The following MAMDC4 variants were observed in gnomAD, a reference collection of about 807,000 sequenced individuals.
MAMDC4 encodes apical endosomal glycoprotein.
A neutral mutation model predicts 153.3 loss-of-function variants in MAMDC4; 168 were observed. The ratio of observed to expected loss-of-function variants is 1.10; its 90% CI spans 0.97 to 1.25. The LOEUF (loss-of-function observed/expected upper bound fraction) is 1.25, where lower values mean the gene tolerates loss of function less well. Among genes scored for constraint, MAMDC4 ranks in the 50% most tolerant of loss-of-function variants. MAMDC4 has a pLI of 0.00. For synonymous variants in MAMDC4, 744 were observed against 651.5 expected, an observed-to-expected ratio of 1.14 and a Z score of -2.16; for missense variants, 1,701 against 1,542.8, an observed-to-expected ratio of 1.10 and a Z score of -1.72.
At position 136,857,314 on chromosome 9, in the gene MAMDC4, C is replaced by G; in HGVS notation, c.2106+16C>G. 6.2e-7 allele frequency: 1 copy of G among 1,606,142 alleles called. No homozygotes were observed. The highest frequency in any genetic ancestry group is 2.2e-5 in the East Asian group (1 of 44,572). ...CCAGTACCAGGTGAGGCCTGGCACC[C>G]GGGTGGGAGGACAGGGCAGGGCCCC... On this transcript the variant is annotated intron_variant, in intron 17 of 26. Transcript: ENST00000317446.
chr9:136,856,045 G>T lies in MAMDC4; in HGVS notation c.1616G>T (p.Trp539Leu), dbSNP rs766739438. 3.1e-6 allele frequency: 5 copies of T among 1,612,010 alleles called. No individual in the cohort carries two copies. Among genetic ancestry groups the T allele is most frequent in the Non-Finnish European group, 3.4e-6 (4 of 1,179,708 alleles). Residue 539 changes from tryptophan to leucine, a missense_variant, in exon 14 of 27, where the codon TGG becomes TTG. Physicochemically the swap from Trp to Leu is moderately conservative, Grantham distance 61. Coordinates refer to ENST00000317446, the MANE Select transcript of MAMDC4 (RefSeq NM_206920.3). ...CACTTCCTGTCTCTGCAGCGGGCCTGGGGGCAGCTAGGCGCTGAGGCCCGG... is the reference window on the plus strand; with the variant it reads ...CACTTCCTGTCTCTGCAGCGGGCCTTGGGGCAGCTAGGCGCTGAGGCCCGG... The part of the protein sequence containing the change: ...AGHFLSLQRA[W>L]GQLGAEARVL...
intron 21 of MAMDC4, 49 bp from the exon 22 acceptor site, chr9:136,858,351 C>A: frequency 6.2e-7 from 1 of 1,600,232 alleles, no homozygotes; most frequent in Non-Finnish European, 8.5e-7. Context: ...TCGTGGTGCC[C>A]AGGGCTTGGG....
At position 136,855,491 on chromosome 9, in the gene MAMDC4, C is replaced by G; in HGVS notation, c.1343C>G (p.Pro448Arg). The G allele has an allele frequency of 1.3e-6, 2 of 1,598,452 alleles. No homozygotes were observed. Among genetic ancestry groups the G allele is most frequent in the Non-Finnish European group, 1.7e-6 (2 of 1,172,932 alleles). Residue 448 changes from proline (P) to arginine (R), a missense_variant, in exon 12 of 27, where the codon CCG becomes CGG. By Grantham distance (103) the Pro-to-Arg change is moderately radical (BLOSUM62 -2). Coordinates refer to ENST00000317446, the MANE Select transcript of MAMDC4 (RefSeq NM_206920.3). ...GPRAPAPQPLPPSSRLQDSCK... is the reference protein window; with the variant it reads ...GPRAPAPQPLRPSSRLQDSCK... ...CGGGCCCCAGCCCCCCAGCCCCTGC[C>G]GCCCAGCTCGCGGCTCCAGGATTCC...
chr9:136,853,338 C>G lies in MAMDC4; in HGVS notation c.208C>G (p.Gln70Glu), dbSNP rs1848954683. 1 of 1,606,732 alleles carries G rather than the reference C, an allele frequency of 6.2e-7. No individual in the cohort carries two copies. Among genetic ancestry groups the G allele is most frequent in the Non-Finnish European group, 8.5e-7 (1 of 1,175,610 alleles). ...LGAPFACDFE[Q>E]DPCGWRDIST... ...CGCCCCCTTCGCCTGTGACTTCGAG[C>G]AGGACCCCTGCGGCTGGCGGGACAT... The change falls in exon 3 of 27, where the codon CAG (glutamine) becomes GAG (glutamate). Residue 70 changes from glutamine (Q) to glutamate (E), a missense_variant. Transcript: ENST00000317446.
rs1849053426 is a variant in MAMDC4 at position 136,859,326 on chromosome 9, T to C, written c.3193+9T>C. 6.2e-7 allele frequency: 1 copy of C among 1,602,630 alleles called. No homozygotes were observed. The highest frequency in any genetic ancestry group is 8.5e-7 in the Non-Finnish European group (1 of 1,174,960). ...GCCTGCCCCCAGCCCGGGTGAGCCC[T>C]GGGCTGCAGTGGAGGCACGGAGGAG... On this transcript the variant is annotated intron_variant, in intron 25 of 26. Transcript: ENST00000317446.
At chr9:136,860,191 C>T (rs898336232) in intron 26 of MAMDC4, 127 bp downstream of exon 26, 59 of 1,095,162 alleles carry the variant, frequency 5.4e-5, no homozygotes, top group Non-Finnish European at 6.9e-5. Context: ...TCCTTGCCCT[C>T]CCTGCCCTGC....
intron 19 of MAMDC4, 29 bp from the exon 20 acceptor site, chr9:136,857,950 C>A (rs537229902): frequency 1.3e-4 from 194 of 1,487,162 alleles, no homozygotes; most frequent in Non-Finnish European, 1.6e-4. Flanking sequence ...TCTCCCCACA[C>A]TGCTGACCTG....
At chr9:136,852,992 G>A in intron 1 of MAMDC4, 110 bp from the exon 2 acceptor site, 1 of 896,640 alleles carries the variant, frequency 1.1e-6, no homozygotes, top group South Asian at 1.6e-5. Flanking sequence ...CCTGGTCTGA[G>A]GGGCATCCCC....
Position 136,857,681 on chromosome 9 carries a change from A to G in MAMDC4, c.2349A>G (p.Thr783=), listed in dbSNP as rs779187895. The change falls in exon 19 of 27, where the codon ACA becomes ACG. Residue 783 remains threonine (T), a synonymous_variant. Coordinates refer to ENST00000317446, the MANE Select transcript of MAMDC4 (RefSeq NM_206920.3). ...TAQGHYMVVD[T]SPDALPRGQT... ...CAGGGCACTACATGGTGGTGGACAC[A>G]AGCCCAGACGCACTACCCCGGGGCC... is the stretch of plus-strand genomic sequence containing the variant. The G allele has an allele frequency of 2.2e-5, 36 of 1,612,510 alleles. No homozygotes were observed. The South Asian group carries it at 3.7e-4, about 17-fold the overall frequency.
At chr9:136,855,938 G>A (rs1848998051) in intron 13 of MAMDC4, 80 bp from the exon 14 acceptor site, 2 of 1,544,986 alleles carry the variant, frequency 1.3e-6, no homozygotes, top group Non-Finnish European at 1.7e-6. Context: ...ACTACAGAGG[G>A]TCTCTGGACT....
rs374373052 is a variant in MAMDC4, at chr9:136,859,966, C to A, written c.3274C>A (p.Leu1092Ile). Residue 1092 changes from leucine (L) to isoleucine (I), a missense_variant, in exon 26 of 27, where the codon CTT (leucine) becomes ATT (isoleucine). Transcript: ENST00000317446. ...GCTCATGCTCCTGGTGCTGCTGGGACTTGGGGGACGGCGCTGGCTGCAGAA... is the reference window on the plus strand; with the variant it reads ...GCTCATGCTCCTGGTGCTGCTGGGAATTGGGGGACGGCGCTGGCTGCAGAA... Reference protein sequence around the residue: ...LLLMLLVLLGLGGRRWLQKKG... With the variant: ...LLLMLLVLLGIGGRRWLQKKG... The A allele has an allele frequency of 4.0e-5, 64 of 1,612,954 alleles. No homozygotes were observed. The highest frequency in any genetic ancestry group is 5.1e-5 in the Non-Finnish European group (60 of 1,179,938).
At chr9:136,858,632 G>A (rs940471967) in intron 22 of MAMDC4, 86 bp downstream of exon 22, 3 of 1,594,968 alleles carry the variant, frequency 1.9e-6, no homozygotes, top group East Asian at 2.2e-5. Context: ...GCCCCATCCA[G>A]AGGAGGCCCT....
rs781419472 is a variant in MAMDC4, at chr9:136,855,457, C to T, written c.1309C>T (p.Pro437Ser). Residue 437 changes from proline to serine, a missense_variant, in exon 12 of 27, where the codon CCT (proline) becomes TCT (serine). Pro to Ser is a moderately conservative substitution (Grantham distance 74). Transcript: ENST00000317446. ...GGTGTCCACCCTGCAGCCGCTGCCTCCTGGGCCCCGGGCCCCAGCCCCCCA... is the reference window on the plus strand; with the variant it reads ...GGTGTCCACCCTGCAGCCGCTGCCTTCTGGGCCCCGGGCCCCAGCCCCCCA... Reference protein sequence around the residue: ...SEVSTLQPLPPGPRAPAPQPL... With the variant: ...SEVSTLQPLPSGPRAPAPQPL... 4 of 1,609,446 alleles carry T rather than the reference C, an allele frequency of 2.5e-6. No homozygotes were observed. Among genetic ancestry groups the T allele is most frequent in the Non-Finnish European group, 3.4e-6 (4 of 1,178,570 alleles).
intron 14 of MAMDC4, 173 bp downstream of exon 14, chr9:136,856,322 A>C: frequency 9.1e-7 from 1 of 1,103,106 alleles, no homozygotes. Flanking sequence ...CCTGAGCAGC[A>C]GTGCAGGCAT....
At chr9:136,855,929 C>G in intron 13 of MAMDC4, 81 bp downstream of exon 13, 5 of 1,532,884 alleles carry the variant, frequency 3.3e-6, no homozygotes, top group Non-Finnish European at 4.4e-6. Context: ...TGCCTCTGCA[C>G]TACAGAGGGT....
chr9:136,860,403 C>A (rs891800282), intron 26 of MAMDC4, among the ~76,000 whole-genome samples, 159 bp from the exon 27 acceptor site: 2 of 152,184 alleles, frequency 1.3e-5, no homozygotes, highest in East Asian at 3.8e-4. Context: ...AACCTGTAAT[C>A]CCAACTACTC....
In MAMDC4 at chr9:136,855,831, C is replaced by A; in HGVS notation, c.1571C>A (p.Ser524Tyr). Residue 524 changes from serine to tyrosine, a missense_variant, in exon 13 of 27, where the codon TCC becomes TAC. By Grantham distance (144) the Ser-to-Tyr change is moderately radical. Coordinates refer to ENST00000317446, the MANE Select transcript of MAMDC4 (RefSeq NM_206920.3). ...GTCTCAGCCCAGGAGAGCCAGGGGT[C>A]CAGTGCAGCTGCTGCTGGTGAGGCC... ...RRVSAQESQG[S>Y]SAAAAGHFLS... 1 of 1,519,534 alleles carries A rather than the reference C, an allele frequency of 6.6e-7. No individual in the cohort carries two copies. The highest frequency in any genetic ancestry group is 8.8e-7 in the Non-Finnish European group (1 of 1,132,740). 94.1% of individuals were successfully genotyped at this position (1,519,534 alleles called of 1,614,324 possible). A position where few individuals can be genotyped will look rare whatever the true frequency, so the allele number is the denominator to read the frequency against.
rs539316793 is a variant in MAMDC4 at position 136,853,644 on chromosome 9, G to A, written c.428G>A (p.Arg143Lys). 3.7e-6 allele frequency: 6 copies of A among 1,612,284 alleles called. No individual in the cohort carries two copies. The highest frequency in any genetic ancestry group is 2.7e-5 in the African/African-American group (2 of 75,024). The change falls in exon 4 of 27, where the codon AGG (arginine) becomes AAG (lysine). Residue 143 changes from arginine (R) to lysine (K), a missense_variant. By Grantham distance (26) the Arg-to-Lys change is conservative. Transcript: ENST00000317446. ...LREAASSCKLRLWYHAASGDV... is the reference protein window; with the variant it reads ...LREAASSCKLKLWYHAASGDV... ...GAGGCAGCCTCCTCTTGCAAGCTGAGGCTCTGGTACCACGCGGCCTCTGGA... is the reference window on the plus strand; with the variant it reads ...GAGGCAGCCTCCTCTTGCAAGCTGAAGCTCTGGTACCACGCGGCCTCTGGA...
rs772361028 is a variant in MAMDC4 at position 136,858,533 on chromosome 9, G to C, written c.2808G>C (p.Leu936=). 1 of 1,584,292 alleles carries C rather than the reference G, an allele frequency of 6.3e-7. No homozygotes were observed. The highest frequency in any genetic ancestry group is 2.3e-5 in the East Asian group (1 of 43,930). ...CCCAGCCCCCTGTGGACCACACCCT[G>C]GGCACAGAGGCAGGTACGTGCCCAC... ...RYPQPPVDHT[L]GTEAGHFAFF... The change falls in exon 22 of 27, where the codon CTG becomes CTC. Residue 936 remains leucine, a synonymous_variant. Transcript: ENST00000317446.
Sources: gnomAD v4.1 joint callset for allele counts (sites outside exome capture counted in the v4.1 genomes callset) on GRCh38, gnomAD v4.1.1 for gene constraint, MANE v1.5 for transcripts, NCBI Gene and HGNC (gene_info 2026-07-23, HGNC 2026-07-21) for gene names.